The following RAB31 variants were observed in gnomAD, a reference collection of about 807,000 sequenced individuals.
The protein encoded by RAB31 is RAB31, member RAS oncogene family.
RAB31 carries 21 observed loss-of-function variants against 25.6 expected under a neutral mutation model. The ratio of observed to expected loss-of-function variants is 0.82; its 90% confidence interval spans 0.58 to 1.18. The LOEUF (loss-of-function observed/expected upper bound fraction) is 1.18. Among genes scored for constraint, RAB31 ranks in the 50% most tolerant of loss-of-function variants. RAB31 has a pLI of 0.00. For missense variants in RAB31, 196 were observed against 250.1 expected (o/e 0.78, Z 1.46); for synonymous variants, 87 against 84.0 (o/e 1.04, Z -0.20).
intron 1 of RAB31, among the ~76,000 whole-genome samples, chr18:9,727,331 T>G (rs996269124): frequency 6.6e-6 from 1 of 152,234 alleles, no homozygotes; most frequent in African/African-American, 2.4e-5. Flanking sequence ...CTTTGTTTTG[T>G]TTAGAGACAG....
At chr18:9,726,608 A>G (rs921616307) in intron 1 of RAB31, among the ~76,000 whole-genome samples, 2 of 152,142 alleles carry the variant, frequency 1.3e-5, no homozygotes, top group African/African-American at 4.8e-5. Flanking sequence ...GATTGTTTCC[A>G]CAAGAGGAGC....
chr18:9,768,993 T>G (rs980475696), intron 1 of RAB31, among the ~76,000 whole-genome samples: 2 of 152,212 alleles, frequency 1.3e-5, no homozygotes, highest in African/African-American at 4.8e-5. Context: ...TTTTCAAAGA[T>G]CAGATGTTTG....
chr18:9,835,437 T>C (rs964271782), intron 5 of RAB31, among the ~76,000 whole-genome samples: 1 of 152,188 alleles, frequency 6.6e-6, no homozygotes, highest in Non-Finnish European at 1.5e-5. Context: ...AGAGAACCTG[T>C]TTTCTGCCCA....
intron 3 of RAB31, among the ~76,000 whole-genome samples, chr18:9,809,080 G>T (rs1477591722): frequency 6.6e-6 from 1 of 152,220 alleles, no homozygotes; most frequent in East Asian, 1.9e-4. Context: ...GGGTGTGCGA[G>T]CACATAAGGC....
intron 3 of RAB31, among the ~76,000 whole-genome samples, chr18:9,812,471 C>G (rs2068577833): frequency 6.6e-6 from 1 of 152,100 alleles, no homozygotes; most frequent in South Asian, 2.1e-4. Context: ...CTTCCCAAAC[C>G]CACACCAACA....
At chr18:9,831,719 C>T (rs570356515) in intron 5 of RAB31, among the ~76,000 whole-genome samples, 1 of 152,364 alleles carries the variant, frequency 6.6e-6, no homozygotes, top group Admixed American at 6.5e-5. Flanking sequence ...GCCGTGAACT[C>T]TTTCCACTCC....
At chr18:9,786,236 C>T (rs1393270106) in intron 2 of RAB31, among the ~76,000 whole-genome samples, 1 of 152,246 alleles carries the variant, frequency 6.6e-6, no homozygotes, top group Non-Finnish European at 1.5e-5. Context: ...GAAAAGTGTT[C>T]AGGGCACTTC....
At chr18:9,847,177 G>A (rs1382585972) in intron 6 of RAB31, among the ~76,000 whole-genome samples, 1 of 152,226 alleles carries the variant, frequency 6.6e-6, no homozygotes, top group African/African-American at 2.4e-5. Flanking sequence ...CATTACATTA[G>A]CCTCACATTT....
intron 5 of RAB31, among the ~76,000 whole-genome samples, chr18:9,835,883 A>G (rs2068701893): frequency 6.6e-6 from 1 of 152,100 alleles, no homozygotes. Flanking sequence ...GGGTATTTAG[A>G]GAAAATATGA....
Position 9,815,232 on chromosome 18 carries a change from A to G in RAB31, c.380+10A>G, listed in dbSNP as rs1217896124. On this transcript the variant is annotated intron_variant, in intron 5 of 6. Coordinates refer to ENST00000578921, the MANE Select transcript of RAB31 (RefSeq NM_006868.4). ...ACCTCTCAGATATTAGGTAAGATGC[A>G]TTGAAATCTCTTTTGTGTAGATACT... 9 of 1,511,472 alleles carry G rather than the reference A, an allele frequency of 6.0e-6. 1 individual carries two copies. The highest frequency in any genetic ancestry group is 5.5e-5 in the African/African-American group (4 of 72,086). 93.6% of individuals were successfully genotyped at this position (1,511,472 alleles called of 1,614,324 possible). A position where few individuals can be genotyped will look rare whatever the true frequency, so the allele number is the denominator to read the frequency against.
chr18:9,711,244 G>T (rs564832976), intron 1 of RAB31, among the ~76,000 whole-genome samples: 1 of 152,220 alleles, frequency 6.6e-6, no homozygotes, highest in African/African-American at 2.4e-5. Flanking sequence ...GAGTGCAGTG[G>T]TGCCATCATA....
intron 5 of RAB31, among the ~76,000 whole-genome samples, chr18:9,818,715 T>G (rs1463102004): frequency 2.6e-5 from 4 of 152,340 alleles, no homozygotes; most frequent in Admixed American, 6.5e-5. Flanking sequence ...GTGGAATTTC[T>G]GTGTCACATG....
chr18:9,798,812 A>C (rs995936906), intron 3 of RAB31, among the ~76,000 whole-genome samples: 1 of 151,140 alleles, frequency 6.6e-6, no homozygotes, highest in Non-Finnish European at 1.5e-5. Flanking sequence ...AAATTGGGCC[A>C]GACACAGTTG....
chr18:9,738,003 G>A (rs2068159166), intron 1 of RAB31, among the ~76,000 whole-genome samples: 1 of 152,198 alleles, frequency 6.6e-6, no homozygotes, highest in African/African-American at 2.4e-5. Flanking sequence ...GCATTTAAAT[G>A]ATGCTTGCTG....
At chr18:9,820,402 C>G (rs1184625560) in intron 5 of RAB31, among the ~76,000 whole-genome samples, 1 of 151,988 alleles carries the variant, frequency 6.6e-6, no homozygotes, top group African/African-American at 2.4e-5. Flanking sequence ...GTTTAGTTTG[C>G]TAGTGTTTTG....
At position 9,815,152 on chromosome 18, in the gene RAB31, C is replaced by T. The variant is rs1170393470; in HGVS notation, c.310C>T (p.Leu104=). ...FYTLKKWVKE[L]KEHGPENIVM... ...TACCTTGAAGAAATGGGTCAAGGAG[C>T]TGAAAGAACATGGTCCAGAAAACAT... Residue 104 remains leucine, a synonymous_variant, in exon 5 of 7, where the codon CTG becomes TTG. Coordinates refer to ENST00000578921, the MANE Select transcript of RAB31 (RefSeq NM_006868.4). The T allele has an allele frequency of 6.4e-7, 1 of 1,556,346 alleles. No individual in the cohort carries two copies. The highest frequency in any genetic ancestry group is 2.4e-5 in the East Asian group (1 of 41,614).
chr18:9,785,324 G>T (rs1266689757), intron 2 of RAB31: 2 of 153,022 alleles, frequency 1.3e-5, no homozygotes, highest in African/African-American at 4.8e-5. Flanking sequence ...AGAGTCAAGT[G>T]AAAATAGCAA....
At chr18:9,847,753 T>C (rs1310467522) in intron 6 of RAB31, among the ~76,000 whole-genome samples, 1 of 152,106 alleles carries the variant, frequency 6.6e-6, no homozygotes, top group African/African-American at 2.4e-5. Context: ...TTTGGATTTT[T>C]AGTAGAATCA....
chr18:9,768,476 T>C (rs1018209198), intron 1 of RAB31, among the ~76,000 whole-genome samples: 5 of 152,206 alleles, frequency 3.3e-5, no homozygotes, highest in Non-Finnish European at 5.9e-5. Flanking sequence ...TTTCCATATG[T>C]TTTTTGGCCA....
Sources: gnomAD v4.1 joint callset for allele counts (sites outside exome capture counted in the v4.1 genomes callset) on GRCh38, gnomAD v4.1.1 for gene constraint, MANE v1.5 for transcripts, NCBI Gene and HGNC (gene_info 2026-07-23, HGNC 2026-07-21) for gene names.